The following DCTN4 variants were observed in gnomAD, a reference collection of about 807,000 sequenced individuals.
The protein encoded by DCTN4 is dynactin subunit 4.
Under a neutral mutation model 62.7 loss-of-function variants are expected in DCTN4, and 23 were observed. The observed-to-expected ratio is 0.37, with a 90% CI of 0.26 to 0.52. The LOEUF (loss-of-function observed/expected upper bound fraction) is 0.52, where lower values mean the gene tolerates loss of function less well. Ranked by LOEUF, DCTN4 falls within the 20% of genes least tolerant of loss-of-function variation. The probability of loss-of-function intolerance (pLI) is 0.92; values close to 1 mark genes in which losing one functional copy is unlikely to be tolerated. For missense variants in DCTN4, 514 were observed against 580.4 expected (o/e 0.89, Z 1.18); for synonymous variants, 199 against 202.1 (o/e 0.98, Z 0.13).
chr5:150,718,206 T>C, intron 11 of DCTN4, 70 bp downstream of exon 11: 1 of 1,057,834 alleles, frequency 9.5e-7, no homozygotes, highest in Non-Finnish European at 1.4e-6. Flanking sequence ...GTGGAGTCTT[T>C]TAAGCCAGGT....
rs1267503727 is a variant in DCTN4, at chr5:150,730,723, G to A, written c.742C>T (p.Arg248Cys). The change falls in exon 8 of 13, where the codon CGT (arginine) becomes TGT (cysteine). Residue 248 changes from arginine to cysteine, a missense_variant. Transcript: ENST00000447998. ...GGCTGGAAGTCAGGCTGTAACAGACGCTGCTGAAGGGTTGTTACTAGAAAG... is the reference window on the plus strand; with the variant it reads ...GGCTGGAAGTCAGGCTGTAACAGACACTGCTGAAGGGTTGTTACTAGAAAG... ...NLTEVTTLQQ[R>C]LLQPDFQPVC... The A allele has an allele frequency of 1.4e-5, 22 of 1,613,804 alleles. No homozygotes were observed. Among genetic ancestry groups the A allele is most frequent in the South Asian group, 6.6e-5 (6 of 91,042 alleles).
intron 5 of DCTN4, 185 bp from the exon 6 acceptor site, chr5:150,731,674 A>G (rs1300947362): frequency 3.1e-6 from 2 of 638,016 alleles, no homozygotes; most frequent in Non-Finnish European, 5.4e-6. Context: ...TCTTAAAATA[A>G]TAACAGCACT....
intron 12 of DCTN4, among the ~76,000 whole-genome samples, chr5:150,713,773 T>C (rs1245210885): frequency 2.6e-5 from 4 of 152,036 alleles, no homozygotes; most frequent in African/African-American, 9.7e-5. Context: ...CACCTTGTTA[T>C]CTCTTCTCTC....
In DCTN4 at chr5:150,755,847, A is replaced by G. The variant is rs572042019; in HGVS notation, c.206+570T>C. Among the ~76,000 whole-genome samples, 6 of 152,300 alleles carry G rather than the reference A, an allele frequency of 3.9e-5. No individual in the cohort carries two copies. In the South Asian group the frequency reaches 1.2e-3, roughly 32 times the overall value. On this transcript the variant is annotated intron_variant, in intron 2 of 12. Transcript: ENST00000447998. ...TGTAACAAATATACCACACTAATGT[A>G]AAAAGTTAACAATAGGGGAGACTGG...
At chr5:150,749,045 G>C (rs2113133347) in intron 3 of DCTN4, among the ~76,000 whole-genome samples, 1 of 151,296 alleles carries the variant, frequency 6.6e-6, no homozygotes, top group East Asian at 1.9e-4. Flanking sequence ...CACTGGGTTA[G>C]GCTAAAGTTT....
At chr5:150,739,319 G>A (rs948724155) in intron 4 of DCTN4, among the ~76,000 whole-genome samples, 7 of 151,906 alleles carry the variant, frequency 4.6e-5, no homozygotes, top group East Asian at 1.9e-4. Context: ...TACAACAGCC[G>A]CAAAAACCCC....
intron 9 of DCTN4, 33 bp from the exon 10 acceptor site, chr5:150,719,803 A>G: frequency 7.3e-7 from 1 of 1,362,488 alleles, no homozygotes; most frequent in Non-Finnish European, 1.0e-6. Flanking sequence ...ATTAATGTTC[A>G]TTGGAGTCTC....
At chr5:150,713,152 C>T (rs1433874538) in intron 12 of DCTN4, among the ~76,000 whole-genome samples, 1 of 152,120 alleles carries the variant, frequency 6.6e-6, no homozygotes, top group African/African-American at 2.4e-5. Flanking sequence ...TTGTATGAGT[C>T]ATGTAAAAAA....
intron 4 of DCTN4, among the ~76,000 whole-genome samples, chr5:150,737,128 A>G (rs964757344): frequency 6.6e-6 from 1 of 152,184 alleles, no homozygotes; most frequent in South Asian, 2.1e-4. Context: ...AATTACTACT[A>G]CGCCTAAGAA....
Position 150,718,394 on chromosome 5 carries a change from G to A in DCTN4, c.964-11C>T, listed in dbSNP as rs764094694. ...GAGGACCTGGCTCTCCTGGTGAATAGGAAACACATCTCTCAGACATTCGCC... is the reference window on the plus strand; with the variant it reads ...GAGGACCTGGCTCTCCTGGTGAATAAGAAACACATCTCTCAGACATTCGCC... On this transcript the variant is annotated splice_polypyrimidine_tract_variant and intron_variant, in intron 10 of 12. Coordinates refer to ENST00000447998, the MANE Select transcript of DCTN4 (RefSeq NM_016221.4). The A allele has an allele frequency of 2.5e-6, 4 of 1,587,562 alleles. No homozygotes were observed. The highest frequency in any genetic ancestry group is 2.2e-5 in the East Asian group (1 of 44,732).
chr5:150,750,363 T>C (rs1456792108), intron 3 of DCTN4, among the ~76,000 whole-genome samples: 1 of 152,228 alleles, frequency 6.6e-6, no homozygotes, highest in African/African-American at 2.4e-5. Context: ...ACAGGTAGTT[T>C]ACTCTTACAT....
intron 1 of DCTN4, chr5:150,758,157 A>C (rs1752931686): frequency 1.0e-6 from 1 of 985,462 alleles, no homozygotes; most frequent in South Asian, 4.7e-5. Context: ...AGATGTGCCA[A>C]GCGCTGCAGA....
At chr5:150,728,078 G>A (rs1446821371) in intron 8 of DCTN4, among the ~76,000 whole-genome samples, 1 of 151,904 alleles carries the variant, frequency 6.6e-6, no homozygotes, top group East Asian at 1.9e-4. Context: ...CAAAATAGCT[G>A]GTAATTCATA....
At position 150,727,790 on chromosome 5, in the gene DCTN4, A is replaced by C. The variant is rs996613120; in HGVS notation, c.834+2841T>G. Among the ~76,000 whole-genome samples, 15 of 150,750 alleles carry C rather than the reference A, an allele frequency of 1.0e-4. No homozygotes were observed. In the South Asian group the frequency reaches 1.2e-3, roughly 13 times the overall value. ...GACTCCGTCTCAAAAAAAAAAAAAA[A>C]AAAAAAACAAAAAACCCAATAAGCT... On this transcript the variant is annotated intron_variant, in intron 8 of 12. Transcript: ENST00000447998.
intron 3 of DCTN4, among the ~76,000 whole-genome samples, chr5:150,747,351 A>G (rs1752489140): frequency 1.3e-5 from 2 of 152,258 alleles, no homozygotes; most frequent in Non-Finnish European, 2.9e-5. Context: ...TATCAAGAAA[A>G]TGGCCATACT....
chr5:150,734,620 G>A (rs191941839), intron 4 of DCTN4: 87 of 152,466 alleles, frequency 5.7e-4, no homozygotes, highest in African/African-American at 1.9e-3. Flanking sequence ...CTTTGACGGA[G>A]AGCAAATTTT....
In DCTN4 at chr5:150,725,075, G is replaced by A. The variant is rs371914455; in HGVS notation, c.835-2095C>T. ...CGGGAGGCTGAGGCAGGAGAATGGC[G>A]TGAACCTGGGAGGTGGAGCTTGCAG... On this transcript the variant is annotated intron_variant, in intron 8 of 12. Transcript: ENST00000447998. Among the ~76,000 whole-genome samples, 16 of 149,634 alleles carry A rather than the reference G, an allele frequency of 1.1e-4. No homozygotes were observed. The East Asian group carries it at 2.2e-3, about 20-fold the overall frequency.
intron 8 of DCTN4, among the ~76,000 whole-genome samples, chr5:150,726,527 T>C (rs17111307): frequency 0.02 from 3,079 of 152,332 alleles, 97 homozygotes; most frequent in African/African-American, 0.068. Flanking sequence ...CCTTGCTTTG[T>C]TATAAATCAC....
chr5:150,737,287 A>G (rs189585476), intron 4 of DCTN4, among the ~76,000 whole-genome samples: 4 of 152,322 alleles, frequency 2.6e-5, no homozygotes, highest in African/African-American at 9.6e-5. Context: ...TTTACAGATC[A>G]TTCTACCCAA....
Sources: allele counts gnomAD v4.1 joint callset (sites outside exome capture counted in the v4.1 genomes callset), GRCh38; gene constraint gnomAD v4.1.1; transcripts MANE v1.5; gene names NCBI Gene and HGNC (gene_info 2026-07-23, HGNC 2026-07-21).